The following VAV2 variants were observed in gnomAD, a reference collection of about 807,000 sequenced individuals.
VAV2 encodes vav guanine nucleotide exchange factor 2.
A neutral mutation model predicts 132.5 loss-of-function variants in VAV2; 67 were observed. That is an observed-to-expected ratio of 0.51 (90% CI 0.42 to 0.62). The LOEUF (loss-of-function observed/expected upper bound fraction) is 0.62, where lower values mean the gene tolerates loss of function less well. Ranked by LOEUF, VAV2 falls within the 20% of genes least tolerant of loss-of-function variation. The probability of loss-of-function intolerance (pLI) is 0.00; values close to 1 mark genes in which losing one functional copy is unlikely to be tolerated. For missense variants in VAV2, 938 were observed against 1,153.6 expected, an observed-to-expected ratio of 0.81 and a Z score of 2.71; for synonymous variants, 492 against 443.5, an observed-to-expected ratio of 1.11 and a Z score of -1.37.
chr9:133,948,428 T>C (rs1841443359), intron 1 of VAV2, among the ~76,000 whole-genome samples: 1 of 152,134 alleles, frequency 6.6e-6, no homozygotes, highest in South Asian at 2.1e-4. Context: ...GGTGGTGTTT[T>C]CTTCGTGCAT....
chr9:133,765,797 A>G (rs1347646122), intron 29 of VAV2, among the ~76,000 whole-genome samples: 1 of 152,204 alleles, frequency 6.6e-6, no homozygotes, highest in Non-Finnish European at 1.5e-5. Flanking sequence ...TTTACTCTCA[A>G]GTGAGTTAGA....
At chr9:133,967,348 A>AG (rs368651814) in intron 1 of VAV2, among the ~76,000 whole-genome samples, 24 of 152,202 alleles carry the variant, frequency 1.6e-4, no homozygotes, top group African/African-American at 5.3e-4. Context: ...AACAGTACAG[A>AG]GGGTCCTCAA....
chr9:133,974,353 G>GC (rs1407023727), intron 1 of VAV2, among the ~76,000 whole-genome samples: 2 of 152,268 alleles, frequency 1.3e-5, no homozygotes, highest in African/African-American at 4.8e-5. Flanking sequence ...GGCCCACAGT[G>GC]CCCCTCCAAC....
At chr9:133,842,989 C>G (rs1836785261) in intron 3 of VAV2, among the ~76,000 whole-genome samples, 1 of 152,204 alleles carries the variant, frequency 6.6e-6, no homozygotes, top group Non-Finnish European at 1.5e-5. Context: ...CTTGAAGCAC[C>G]AGGGCTTCGC....
chr9:133,978,657 C>G (rs1842594729), intron 1 of VAV2, among the ~76,000 whole-genome samples: 1 of 152,244 alleles, frequency 6.6e-6, no homozygotes. Context: ...ATGAACCCCA[C>G]AAAACAGAAA....
Position 133,788,527 on chromosome 9 carries a change from T to C in VAV2, c.1275-41A>G, listed in dbSNP as rs570518123. The C allele has an allele frequency of 7.0e-6, 11 of 1,582,562 alleles. No homozygotes were observed. The Admixed American group carries it at 1.8e-4, about 27-fold the overall frequency. ...CAGCGGGGGATCAGCACCCCAGCAC[T>C]GTGTGCTCTGCTCCGAGGAGGCGGC... On this transcript the variant is annotated intron_variant, in intron 14 of 29. Coordinates refer to ENST00000371850, the MANE Select transcript of VAV2 (RefSeq NM_001134398.2). This position sits in a 1 kb window ranked among gnomAD's most constrained non-coding sequence, Gnocchi z 5.3.
At chr9:133,830,363 C>T (rs1836216945) in intron 4 of VAV2, among the ~76,000 whole-genome samples, 1 of 152,118 alleles carries the variant, frequency 6.6e-6, no homozygotes, top group South Asian at 2.1e-4. Context: ...TCCCATAATC[C>T]CCATGTGCTG....
At chr9:133,819,805 C>T (rs1321494609) in intron 4 of VAV2, among the ~76,000 whole-genome samples, 1 of 152,040 alleles carries the variant, frequency 6.6e-6, no homozygotes, top group Non-Finnish European at 1.5e-5. Flanking sequence ...ATTTGAAATT[C>T]TAAAACAGTG....
intron 4 of VAV2, among the ~76,000 whole-genome samples, chr9:133,829,882 G>A (rs1025856557): frequency 1.3e-5 from 2 of 152,100 alleles, no homozygotes; most frequent in African/African-American, 4.8e-5. Context: ...CCCTGAAACT[G>A]TCCTTCGGCT....
rs575392098 is a variant in VAV2, at chr9:133,912,664, C to T, written c.321+26439G>A. On this transcript the variant is annotated intron_variant, in intron 2 of 29. Coordinates refer to ENST00000371850, the MANE Select transcript of VAV2 (RefSeq NM_001134398.2). The surrounding 1 kb of genome is among the most constrained non-coding windows in gnomAD (Gnocchi z 4.3). ...CCACGTGTGCACAGCACTCCCGAGG[C>T]GCTCCCAAGCTGTCAGGCAGCCATC... Among the ~76,000 whole-genome samples the T allele has an allele frequency of 9.2e-5, 14 of 152,152 alleles. No individual in the cohort carries two copies. The highest frequency in any genetic ancestry group is 1.6e-4 in the Non-Finnish European group (11 of 68,036).
intron 2 of VAV2, among the ~76,000 whole-genome samples, chr9:133,914,320 A>G (rs1024900727): frequency 6.6e-6 from 1 of 152,066 alleles, no homozygotes; most frequent in African/African-American, 2.4e-5. Context: ...CGGGACACGA[A>G]TGTCCCCAGC....
intron 2 of VAV2, among the ~76,000 whole-genome samples, chr9:133,862,871 G>C (rs2131872708): frequency 6.6e-6 from 1 of 152,364 alleles, no homozygotes; most frequent in Non-Finnish European, 1.5e-5. Flanking sequence ...AAGGGGAAGA[G>C]GAAAGAAAAT....
intron 15 of VAV2, among the ~76,000 whole-genome samples, chr9:133,787,780 C>T (rs931326357): frequency 1.1e-4 from 17 of 151,946 alleles, no homozygotes; most frequent in African/African-American, 3.9e-4. Context: ...CACCCGCTGG[C>T]AGCCACAGGC....
rs915363393 is a variant in VAV2 at position 133,788,749 on chromosome 9, C to T, written c.1275-263G>A. Among the ~76,000 whole-genome samples the T allele has an allele frequency of 1.3e-5, 2 of 152,124 alleles. No homozygotes were observed. The highest frequency in any genetic ancestry group is 4.8e-5 in the African/African-American group (2 of 41,436). Reference sequence around the variant, plus strand: ...CCCTTCAAGGGGCTCCTGCATCCCCCACGCTGGCCTCCCATGCAGCACTGA... The same window carrying T: ...CCCTTCAAGGGGCTCCTGCATCCCCTACGCTGGCCTCCCATGCAGCACTGA... On this transcript the variant is annotated intron_variant, in intron 14 of 29. Transcript: ENST00000371850. The surrounding 1 kb of genome is among the most constrained non-coding windows in gnomAD (Gnocchi z 5.3).
intron 3 of VAV2, among the ~76,000 whole-genome samples, chr9:133,836,547 T>C (rs542490141): frequency 1.3e-5 from 2 of 152,346 alleles, no homozygotes; most frequent in South Asian, 2.1e-4. Flanking sequence ...TCATCTCCTA[T>C]AAAAGTATGT....
chr9:133,881,131 G>A (rs537022044), intron 2 of VAV2, among the ~76,000 whole-genome samples: 4 of 152,190 alleles, frequency 2.6e-5, no homozygotes, highest in Non-Finnish European at 5.9e-5. Context: ...CACAGGGCCC[G>A]AGGTGGTGGA....
At chr9:133,917,698 C>T (rs1241122582) in intron 2 of VAV2, among the ~76,000 whole-genome samples, 1 of 152,188 alleles carries the variant, frequency 6.6e-6, no homozygotes, top group Non-Finnish European at 1.5e-5. Context: ...GGGAGGAAAG[C>T]GACTGGCCCA....
intron 2 of VAV2, among the ~76,000 whole-genome samples, chr9:133,936,178 T>A (rs142960213): frequency 6.6e-6 from 1 of 151,542 alleles, no homozygotes. Flanking sequence ...AAAGCCAGCC[T>A]GCCGGGGTCC....
chr9:133,878,671 G>A (rs950823472), intron 2 of VAV2, among the ~76,000 whole-genome samples: 12 of 152,196 alleles, frequency 7.9e-5, no homozygotes, highest in African/African-American at 1.4e-4. Context: ...CCCACCTGCC[G>A]CCCGTCTCAG....
Sources: allele counts gnomAD v4.1 joint callset (sites outside exome capture counted in the v4.1 genomes callset), GRCh38; gene constraint gnomAD v4.1.1; non-coding constraint Gnocchi (gnomAD v3.1); transcripts MANE v1.5; gene names NCBI Gene and HGNC (gene_info 2026-07-23, HGNC 2026-07-21).